Variants in WDFY3 observed in about 807,000 individuals in gnomAD.
The protein encoded by WDFY3 is WD repeat and FYVE domain containing 3, also known as WD repeat and FYVE domain-containing protein 3.
Under a neutral mutation model 409.6 loss-of-function variants are expected in WDFY3, and 66 were observed. That is an observed-to-expected ratio of 0.16 (90% confidence interval 0.13 to 0.20). The LOEUF is 0.20. Ranked by LOEUF, WDFY3 falls within the 10% of genes least tolerant of loss-of-function variation. WDFY3 has a pLI of 1.00. For synonymous variants in WDFY3, 1,521 were observed against 1,537.1 expected (o/e 0.99, Z 0.25); for missense variants, 3,031 against 4,298.1 (o/e 0.71, Z 8.24).
rs151184075 is a variant in WDFY3, at chr4:84,946,253, T to A, written c.-225-13890A>T. On this transcript the variant is annotated intron_variant, in intron 1 of 67. Coordinates refer to ENST00000295888, the MANE Select transcript of WDFY3 (RefSeq NM_014991.6). ...AACAGGTTAGGGCTTTGTGCTCAGA[T>A]GTAAAACTAAGGACTGTGGCCACCA... is the stretch of plus-strand genomic sequence containing the variant. Among the ~76,000 whole-genome samples, 5 of 152,336 alleles carry A rather than the reference T, an allele frequency of 3.3e-5. No homozygotes were observed. In the East Asian group the frequency reaches 7.7e-4, roughly 24 times the overall value.
Position 84,749,863 on chromosome 4 carries a change from C to T in WDFY3, c.5973+1620G>A, listed in dbSNP as rs544599681. Among the ~76,000 whole-genome samples the T allele has an allele frequency of 1.1e-4, 16 of 152,146 alleles. No homozygotes were observed. In the South Asian group the frequency reaches 3.3e-3, roughly 32 times the overall value. ...TTCTACCGTAGGGCAAATTCATGCC[C>T]ACAACAAAGAGAACCTTACTTCAAG... On this transcript the variant is annotated intron_variant, in intron 36 of 67. Transcript: ENST00000295888.
At chr4:84,705,338 A>G (rs1731753123) in intron 54 of WDFY3, 56 bp downstream of exon 54, 1 of 1,418,024 alleles carries the variant, frequency 7.1e-7, no homozygotes, top group African/African-American at 1.4e-5. Context: ...ACCGCTACAT[A>G]ATGACTTACT....
intron 35 of WDFY3, 88 bp downstream of exon 35, chr4:84,753,609 C>CA (rs1377286254): frequency 4.8e-5 from 66 of 1,385,670 alleles, no homozygotes; most frequent in South Asian, 2.5e-4. Flanking sequence ...AAAAGACTGT[C>CA]AAAAAAAATC....
At chr4:84,703,033 C>A (rs946798203) in intron 55 of WDFY3, among the ~76,000 whole-genome samples, 20 of 151,832 alleles carry the variant, frequency 1.3e-4, no homozygotes, top group African/African-American at 4.8e-4. Context: ...GGGGGCGGAG[C>A]CTGCAGTGAG....
intron 30 of WDFY3, among the ~76,000 whole-genome samples, chr4:84,770,788 G>T (rs1235661946): frequency 6.6e-6 from 1 of 152,120 alleles, no homozygotes; most frequent in Non-Finnish European, 1.5e-5. Flanking sequence ...TAATAATCTA[G>T]ACAGAAATTA....
chr4:84,678,089 G>T, intron 66 of WDFY3, 79 bp downstream of exon 66: 1 of 992,488 alleles, frequency 1.0e-6, no homozygotes. Flanking sequence ...TTTCCCCAAA[G>T]ACTGGGCTGG....
chr4:84,773,032 G>T, intron 29 of WDFY3, 103 bp from the exon 30 acceptor site: 66 of 770,842 alleles, frequency 8.6e-5, no homozygotes, highest in South Asian at 3.1e-4. Flanking sequence ...AACCAAAACA[G>T]TACTTTTTTT....
intron 44 of WDFY3, among the ~76,000 whole-genome samples, chr4:84,730,734 T>C (rs1411717589): frequency 6.6e-6 from 1 of 152,076 alleles, no homozygotes; most frequent in Non-Finnish European, 1.5e-5. Flanking sequence ...AGAAAAATTG[T>C]CTTGGGCCAC....
chr4:84,911,567 C>T (rs900980011), intron 2 of WDFY3, among the ~76,000 whole-genome samples: 1 of 152,130 alleles, frequency 6.6e-6, no homozygotes, highest in Non-Finnish European at 1.5e-5. Flanking sequence ...TGACCCTTAA[C>T]CAACACAGGT....
At chr4:84,859,150 AG>A (rs1012490910) in intron 4 of WDFY3, among the ~76,000 whole-genome samples, 3 of 152,176 alleles carry the variant, frequency 2.0e-5, no homozygotes, top group South Asian at 2.1e-4. Context: ...AAATTGAGAC[AG>A]GAAGTCTGAG....
chr4:84,825,566 T>A (rs968998733), intron 10 of WDFY3, among the ~76,000 whole-genome samples: 4 of 152,064 alleles, frequency 2.6e-5, no homozygotes, highest in Admixed American at 2.6e-4. Context: ...TAGGGAAACA[T>A]GGATTTCTCC....
intron 8 of WDFY3, among the ~76,000 whole-genome samples, chr4:84,830,927 G>A (rs549159890): frequency 6.6e-6 from 1 of 152,132 alleles, no homozygotes; most frequent in African/African-American, 2.4e-5. Context: ...AGTGGCTGAC[G>A]CCTGTAATCC....
chr4:84,894,741 G>A (rs1016492884), intron 3 of WDFY3, among the ~76,000 whole-genome samples: 1 of 151,730 alleles, frequency 6.6e-6, no homozygotes, highest in Non-Finnish European at 1.5e-5. Flanking sequence ...AGCCGAGACT[G>A]CGTCACCGCA....
intron 58 of WDFY3, 122 bp downstream of exon 58, chr4:84,695,848 G>C: frequency 1.1e-6 from 1 of 912,284 alleles, no homozygotes; most frequent in Non-Finnish European, 1.6e-6. Context: ...GAAATCCTAG[G>C]TGATATTTAT....
chr4:84,917,066 A>G (rs1768592798), intron 2 of WDFY3, among the ~76,000 whole-genome samples: 1 of 152,212 alleles, frequency 6.6e-6, no homozygotes, highest in South Asian at 2.1e-4. Flanking sequence ...AAATAGATGA[A>G]TAGATATCTT....
rs1347020728 is a variant in WDFY3 at position 84,784,887 on chromosome 4, TATATACACACAC to T, written c.4062+1080_4062+1091del. Among the ~76,000 whole-genome samples the T allele has an allele frequency of 1.4e-4, 9 of 62,358 alleles. No individual in the cohort carries two copies. The South Asian group carries it at 3.0e-3, about 21-fold the overall frequency. The allele number at this position is 62,358 out of a possible 152,430, so 40.9% of individuals were successfully genotyped here. ...ATATATATATATATATATATATATA[TATATACACACAC>T]ACACACACACACACACACACATACA... On this transcript the variant is annotated intron_variant, in intron 24 of 67. Transcript: ENST00000295888.
chr4:84,751,658 G>A lies in WDFY3; in HGVS notation c.5798C>T (p.Ala1933Val). The change falls in exon 36 of 68, where the codon GCA becomes GTA. Residue 1933 changes from alanine to valine, a missense_variant. By Grantham distance (64) the Ala-to-Val change is moderately conservative. Coordinates refer to ENST00000295888, the MANE Select transcript of WDFY3 (RefSeq NM_014991.6). ...TTGGCTCCTGTTCATCCCTGTGTCT[G>A]CTGCAAACGCTTTAAACTCTTCTGC... ...SPAEEFKAFAADTGMNRSQSE... is the reference protein window; with the variant it reads ...SPAEEFKAFAVDTGMNRSQSE... 6.2e-7 allele frequency: 1 copy of A among 1,614,126 alleles called. No homozygotes were observed. The highest frequency in any genetic ancestry group is 1.1e-5 in the South Asian group (1 of 91,084).
intron 47 of WDFY3, 82 bp from the exon 48 acceptor site, chr4:84,718,652 A>T: frequency 1.4e-6 from 2 of 1,466,190 alleles, no homozygotes. Flanking sequence ...GCATCCCTAG[A>T]GCTAAGCATA....
Position 84,678,266 on chromosome 4 carries a change from T to C in WDFY3, c.10161A>G (p.Glu3387=). 6.2e-7 allele frequency: 1 copy of C among 1,613,862 alleles called. No homozygotes were observed. Among genetic ancestry groups the C allele is most frequent in the Non-Finnish European group, 8.5e-7 (1 of 1,179,784 alleles). ...GCTTACTCCTGAACACCAGCTGCCG[T>C]TCCCATCGGTACCCTGGAATGGAGA... is the stretch of plus-strand genomic sequence containing the variant. ...YSRLKPGYRW[E]RQLVFRSKLT... is the part of the protein sequence containing the mutation. Residue 3387 remains glutamate, a synonymous_variant, in exon 66 of 68, where the codon GAA becomes GAG. Coordinates refer to ENST00000295888, the MANE Select transcript of WDFY3 (RefSeq NM_014991.6).
Sources: allele counts gnomAD v4.1 joint callset (sites outside exome capture counted in the v4.1 genomes callset), GRCh38; gene constraint gnomAD v4.1.1; transcripts MANE v1.5; gene names NCBI Gene and HGNC (gene_info 2026-07-23, HGNC 2026-07-21).